The following APOOL variants were observed in gnomAD, a reference collection of about 807,000 sequenced individuals.
APOOL encodes the protein apolipoprotein O like.
A neutral mutation model predicts 23.1 loss-of-function variants in APOOL; 12 were observed. The observed-to-expected ratio is 0.52, with a 90% confidence interval of 0.33 to 0.84. The LOEUF is 0.84. APOOL is among the 40% of genes least tolerant of loss of function. APOOL has a pLI of 0.02. For synonymous variants in APOOL, 77 were observed against 69.9 expected, an observed-to-expected ratio of 1.10 and a Z score of -0.51; for missense variants, 212 against 199.6, an observed-to-expected ratio of 1.06 and a Z score of -0.37.
At chrX:85,018,663 C>G (rs1170545719) in intron 1 of APOOL, among the ~76,000 whole-genome samples, 1 of 110,381 alleles carries the variant, frequency 9.1e-6, no homozygotes, top group Non-Finnish European at 1.9e-5. Context: ...ATCATGTCTG[C>G]TGTTTGAAGC....
chrX:85,025,516 A>G (rs1328279102), intron 1 of APOOL, among the ~76,000 whole-genome samples: 1 of 112,208 alleles, frequency 8.9e-6, no homozygotes, highest in African/African-American at 3.2e-5. Context: ...AGACAAGGCA[A>G]GTCCCTTCCA....
At chrX:85,058,254 T>C (rs1370166489) in intron 5 of APOOL, among the ~76,000 whole-genome samples, 1 of 108,756 alleles carries the variant, frequency 9.2e-6, no homozygotes, top group Non-Finnish European at 1.9e-5. Context: ...CCCCAGTGTG[T>C]GTTGTTCCCC....
Position 85,093,225 on chromosome X carries a change from C to T in APOOL, c.*5547C>T, listed in dbSNP as rs1248401399. On this transcript the variant is annotated 3_prime_UTR_variant, in exon 9 of 9. Coordinates refer to ENST00000373173, the MANE Select transcript of APOOL (RefSeq NM_198450.6). ...CAGCATTTCAGCTCCAATACCTAGG[C>T]CTTTTAAATAGACAATGCAAAGTGA... is the stretch of plus-strand genomic sequence containing the variant. 15 of 1,160,965 alleles carry T rather than the reference C, an allele frequency of 1.3e-5. No individual in the cohort carries two copies. The highest frequency in any genetic ancestry group is 1.6e-5 in the Non-Finnish European group (14 of 869,528).
At chrX:85,040,293 C>T (rs1922363136) in intron 1 of APOOL, among the ~76,000 whole-genome samples, 2 of 111,943 alleles carry the variant, frequency 1.8e-5, no homozygotes, top group Non-Finnish European at 3.8e-5. Flanking sequence ...ACTCCCTTTA[C>T]AGATGACCTT....
chrX:85,024,550 C>T (rs1464449724), intron 1 of APOOL, among the ~76,000 whole-genome samples: 1 of 112,332 alleles, frequency 8.9e-6, no homozygotes, highest in Non-Finnish European at 1.9e-5. Flanking sequence ...AGAGTGTTGC[C>T]AGTTTTCACG....
chrX:85,044,775 A>C (rs974139007), intron 1 of APOOL, among the ~76,000 whole-genome samples: 9 of 111,739 alleles, frequency 8.1e-5, no homozygotes, highest in African/African-American at 2.9e-4. Context: ...CATAATCTGG[A>C]ATATTAGATC....
chrX:85,064,866 G>A (rs1270350049), intron 5 of APOOL, among the ~76,000 whole-genome samples: 1 of 111,283 alleles, frequency 9.0e-6, no homozygotes, highest in Non-Finnish European at 1.9e-5. Context: ...TTTTTGGAGG[G>A]GTGGAGAGTT....
intron 5 of APOOL, among the ~76,000 whole-genome samples, chrX:85,060,881 C>T (rs1682130146): frequency 9.0e-6 from 1 of 111,121 alleles, no homozygotes; most frequent in Non-Finnish European, 1.9e-5. Context: ...TTTCCTTCTC[C>T]TGCCTGATTG....
chrX:85,042,796 G>A (rs1922443359), intron 1 of APOOL, among the ~76,000 whole-genome samples: 1 of 111,930 alleles, frequency 8.9e-6, no homozygotes, highest in Admixed American at 9.5e-5. Context: ...AGATCAGTTA[G>A]TGTGGTACAT....
chrX:85,041,012 G>C (rs1328810402), intron 1 of APOOL, among the ~76,000 whole-genome samples: 1 of 111,879 alleles, frequency 8.9e-6, no homozygotes, highest in Non-Finnish European at 1.9e-5. Flanking sequence ...GTGGGCTGAC[G>C]TTCCTTTAAT....
chrX:85,018,422 A>C (rs1411676112), intron 1 of APOOL, among the ~76,000 whole-genome samples: 1 of 111,475 alleles, frequency 9.0e-6, no homozygotes, highest in South Asian at 3.8e-4. Flanking sequence ...GGACAGCACC[A>C]AGTTATTTAT....
chrX:85,064,072 A>G (rs1162372206), intron 5 of APOOL, among the ~76,000 whole-genome samples: 1 of 111,025 alleles, frequency 9.0e-6, no homozygotes, highest in Non-Finnish European at 1.9e-5. Context: ...TGGCCTATTC[A>G]GGGATTCAAC....
In APOOL at chrX:85,092,146, G is replaced by A; in HGVS notation, c.*4468G>A. Reference sequence around the variant, plus strand: ...TAGGTAAAAAATAGCGCAAAGCTAAGTATAAGTGACTTTTAAATTATCTGC... The same window carrying A: ...TAGGTAAAAAATAGCGCAAAGCTAAATATAAGTGACTTTTAAATTATCTGC... On this transcript the variant is annotated 3_prime_UTR_variant, in exon 9 of 9. Coordinates refer to ENST00000373173, the MANE Select transcript of APOOL (RefSeq NM_198450.6). 1 of 306,813 alleles carries A rather than the reference G, an allele frequency of 3.3e-6. No individual in the cohort carries two copies. Among genetic ancestry groups the A allele is most frequent in the Non-Finnish European group, 5.7e-6 (1 of 175,995 alleles). The allele number at this position is 306,813 out of a possible 1,213,427, so 25.3% of individuals were successfully genotyped here.
chrX:85,078,740 A>G (rs1169185527), intron 8 of APOOL, among the ~76,000 whole-genome samples: 2 of 111,085 alleles, frequency 1.8e-5, no homozygotes, highest in African/African-American at 6.6e-5. Flanking sequence ...CTGTTCTTCC[A>G]TTTATTTGTG....
chrX:85,045,450 T>G (rs1922543688), intron 1 of APOOL, among the ~76,000 whole-genome samples: 1 of 111,877 alleles, frequency 8.9e-6, no homozygotes, highest in South Asian at 3.7e-4. Flanking sequence ...ATCACTGTCA[T>G]TGGAGAACAT....
At chrX:85,038,473 G>C (rs1042129926) in intron 1 of APOOL, among the ~76,000 whole-genome samples, 21 of 104,447 alleles carry the variant, frequency 2.0e-4, no homozygotes, top group Non-Finnish European at 3.5e-4. Context: ...ATTGGTACCA[G>C]CTCTTCTTTA....
intron 1 of APOOL, among the ~76,000 whole-genome samples, chrX:85,017,654 T>C (rs1921523833): frequency 9.0e-6 from 1 of 111,276 alleles, no homozygotes. Context: ...CCCTGTGAGA[T>C]ATAGTTAGGG....
intron 2 of APOOL, among the ~76,000 whole-genome samples, chrX:85,050,287 G>T (rs1996378): frequency 0.053 from 5,943 of 111,171 alleles, 360 homozygotes; most frequent in African/African-American, 0.18. Context: ...ACATAAAATT[G>T]TATGCATTTA....
intron 1 of APOOL, among the ~76,000 whole-genome samples, chrX:85,005,656 G>A (rs1222481526): frequency 9.0e-6 from 1 of 110,566 alleles, no homozygotes; most frequent in East Asian, 2.8e-4. Flanking sequence ...TGTATATTAG[G>A]TAGTCAACAT....
Sources: gnomAD v4.1 joint callset for allele counts (sites outside exome capture counted in the v4.1 genomes callset) on GRCh38, gnomAD v4.1.1 for gene constraint, MANE v1.5 for transcripts, NCBI Gene and HGNC (gene_info 2026-07-23, HGNC 2026-07-21) for gene names.